Variants in INPP4B observed in about 807,000 individuals in gnomAD.
INPP4B encodes inositol polyphosphate-4-phosphatase type II B, also known as inositol polyphosphate 4-phosphatase type II.
INPP4B carries 55 observed loss-of-function variants against 122.5 expected under a neutral mutation model. The observed-to-expected ratio is 0.45, with a 90% CI of 0.36 to 0.56. The LOEUF is 0.56. Ranked by LOEUF, INPP4B falls within the 20% of genes least tolerant of loss-of-function variation. The probability of loss-of-function intolerance (pLI) is 0.00; values close to 1 mark genes in which losing one functional copy is unlikely to be tolerated. For missense variants in INPP4B, 1,000 were observed against 1,097.7 expected (o/e 0.91, Z 1.26); for synonymous variants, 403 against 388.7 (o/e 1.04, Z -0.43).
intron 2 of INPP4B, among the ~76,000 whole-genome samples, chr4:142,582,645 G>A (rs1313851635): frequency 6.6e-6 from 1 of 152,118 alleles, no homozygotes; most frequent in African/African-American, 2.4e-5. Flanking sequence ...GAGGTCTTTT[G>A]TAAAAACCTT....
At chr4:142,341,429 G>GTCA (rs1187935508) in intron 7 of INPP4B, among the ~76,000 whole-genome samples, 1 of 151,898 alleles carries the variant, frequency 6.6e-6, no homozygotes, top group African/African-American at 2.4e-5. Context: ...AGGCATTTGA[G>GTCA]TAACATTTAG....
At chr4:142,398,024 T>C (rs1458440553) in intron 7 of INPP4B, among the ~76,000 whole-genome samples, 1 of 151,768 alleles carries the variant, frequency 6.6e-6, no homozygotes, top group African/African-American at 2.4e-5. Context: ...ATACCAATTT[T>C]TTCATCTTTA....
intron 5 of INPP4B, among the ~76,000 whole-genome samples, chr4:142,413,318 C>T (rs1391000084): frequency 6.6e-6 from 1 of 151,808 alleles, no homozygotes; most frequent in African/African-American, 2.4e-5. Flanking sequence ...AAAAGGTCAG[C>T]GGATAAAAGC....
At position 142,405,323 on chromosome 4, in the gene INPP4B, T is replaced by C. The variant is rs1193388079; in HGVS notation, c.138A>G (p.Ala46=). Residue 46 remains alanine, a splice_region_variant and synonymous_variant, in exon 6 of 26, where the codon GCA becomes GCG. Transcript: ENST00000262992. ...GGACAGGAGCCACGAGATCCTTGCATGCTGGCAACGGCAGAGGAGACAGAA... is the reference window on the plus strand; with the variant it reads ...GGACAGGAGCCACGAGATCCTTGCACGCTGGCAACGGCAGAGGAGACAGAA... The part of the protein sequence containing the change: ...PNEPQLEFIL[A]CKDLVAPVRD... 6.4e-7 allele frequency: 1 copy of C among 1,572,712 alleles called. No homozygotes were observed. Among genetic ancestry groups the C allele is most frequent in the African/African-American group, 1.3e-5 (1 of 74,128 alleles).
rs183059570 is a variant in INPP4B at position 142,229,844 on chromosome 4, G to T, written c.836+8020C>A. Among the ~76,000 whole-genome samples the T allele has an allele frequency of 2.5e-3, 374 of 152,208 alleles. 2 individuals carry two copies. The highest frequency in any genetic ancestry group is 4.0e-3 in the Non-Finnish European group (275 of 68,012). ...CTCATTTACCTGTATATTTTTGGGG[G>T]GATAGGGAAGAAGGAAAGTAAAATT... is the stretch of plus-strand genomic sequence containing the variant. On this transcript the variant is annotated intron_variant, in intron 12 of 25. Transcript: ENST00000262992.
intron 12 of INPP4B, among the ~76,000 whole-genome samples, chr4:142,213,991 C>T (rs1050218865): frequency 5.3e-5 from 8 of 152,198 alleles, no homozygotes; most frequent in Non-Finnish European, 7.3e-5. Context: ...TATGGTCATA[C>T]ATTGTGGATC....
intron 2 of INPP4B, among the ~76,000 whole-genome samples, chr4:142,640,933 A>G (rs7685002): frequency 0.78 from 117,924 of 152,124 alleles, 46,425 homozygotes; most frequent in East Asian, 0.85. Context: ...ACAAATTTGG[A>G]TGAAGATGTG....
At chr4:142,592,820 G>T (rs1354440914) in intron 2 of INPP4B, among the ~76,000 whole-genome samples, 1 of 152,186 alleles carries the variant, frequency 6.6e-6, no homozygotes, top group African/African-American at 2.4e-5. Flanking sequence ...ACCGTCATAG[G>T]CTGGGTGCGA....
chr4:142,793,846 C>T (rs1776870321), intron 1 of INPP4B, among the ~76,000 whole-genome samples: 1 of 151,786 alleles, frequency 6.6e-6, no homozygotes, highest in Non-Finnish European at 1.5e-5. Flanking sequence ...TAAGATTACA[C>T]TTAACAAAAT....
intron 2 of INPP4B, among the ~76,000 whole-genome samples, chr4:142,670,402 C>T (rs920283519): frequency 9.2e-5 from 14 of 152,094 alleles, no homozygotes; most frequent in African/African-American, 3.1e-4. Flanking sequence ...AAGCAAATGT[C>T]CATCAGTGGA....
intron 3 of INPP4B, among the ~76,000 whole-genome samples, chr4:142,442,218 C>T (rs865841951): frequency 6.6e-6 from 1 of 151,866 alleles, no homozygotes. Context: ...CGAGACCAGC[C>T]TGGCCAACAT....
chr4:142,416,378 A>C, intron 5 of INPP4B, among the ~76,000 whole-genome samples: 1 of 152,126 alleles, frequency 6.6e-6, no homozygotes, highest in East Asian at 1.9e-4. Context: ...TCCCAAACCA[A>C]AATATTCAGG....
At chr4:142,661,770 C>T (rs1029015573) in intron 2 of INPP4B, among the ~76,000 whole-genome samples, 1 of 152,172 alleles carries the variant, frequency 6.6e-6, no homozygotes, top group African/African-American at 2.4e-5. Context: ...CTTTTCTTCA[C>T]TTTAAGTTAC....
intron 2 of INPP4B, among the ~76,000 whole-genome samples, chr4:142,646,117 T>C (rs557426961): frequency 1.4e-4 from 22 of 152,214 alleles, no homozygotes; most frequent in Non-Finnish European, 2.6e-4. Flanking sequence ...ATATTTTGTT[T>C]GTAGTCATAG....
intron 1 of INPP4B, among the ~76,000 whole-genome samples, chr4:142,747,146 A>T (rs1768885725): frequency 6.6e-6 from 1 of 151,330 alleles, no homozygotes; most frequent in Non-Finnish European, 1.5e-5. Flanking sequence ...TAATATCCAA[A>T]ATCTACAAGG....
chr4:142,630,947 G>A lies in INPP4B; in HGVS notation c.-191+94892C>T, dbSNP rs151105438. On this transcript the variant is annotated intron_variant, in intron 2 of 25. Transcript: ENST00000262992. ...CCTAGAATTGAATTGAGGCACTCCT[G>A]TATTTCTAGTGTGACCAGGTGCCTG... Among the ~76,000 whole-genome samples, 717 of 152,214 alleles carry A rather than the reference G, an allele frequency of 4.7e-3. 7 individuals carry two copies. The highest frequency in any genetic ancestry group is 0.015 in the African/African-American group (623 of 41,546).
intron 12 of INPP4B, among the ~76,000 whole-genome samples, chr4:142,226,377 A>G (rs143212553): frequency 1.2e-3 from 178 of 152,288 alleles, no homozygotes; most frequent in African/African-American, 3.6e-3. Flanking sequence ...CCATCTGTCA[A>G]TTATGCTAGA....
chr4:142,240,830 G>A (rs1579404277), intron 11 of INPP4B, among the ~76,000 whole-genome samples: 1 of 152,024 alleles, frequency 6.6e-6, no homozygotes, highest in Non-Finnish European at 1.5e-5. Context: ...TAAATACCAT[G>A]CAGATTTGTT....
intron 25 of INPP4B, among the ~76,000 whole-genome samples, chr4:142,061,865 TACACACAC>T (rs1198104747): frequency 4.6e-4 from 19 of 41,404 alleles, no homozygotes; most frequent in African/African-American, 1.1e-3. Flanking sequence ...TATATATATG[TACACACAC>T]ACACACACAC....
Sources: gnomAD v4.1 joint callset for allele counts (sites outside exome capture counted in the v4.1 genomes callset) on GRCh38, gnomAD v4.1.1 for gene constraint, MANE v1.5 for transcripts, NCBI Gene and HGNC (gene_info 2026-07-23, HGNC 2026-07-21) for gene names.